The following GALNTL6 variants were observed in gnomAD, a reference collection of about 807,000 sequenced individuals.
GALNTL6 encodes polypeptide N-acetylgalactosaminyltransferase like 6, also known as polypeptide N-acetylgalactosaminyltransferase-like 6.
In GALNTL6, 46 loss-of-function variants were observed where a neutral mutation model predicts 73.7. The ratio of observed to expected loss-of-function variants is 0.62; its 90% CI spans 0.49 to 0.80. The LOEUF (loss-of-function observed/expected upper bound fraction) is 0.80, where lower values mean the gene tolerates loss of function less well. Ranked by LOEUF, GALNTL6 falls within the 30% of genes least tolerant of loss-of-function variation. GALNTL6 has a pLI of 0.00. For synonymous variants in GALNTL6, 259 were observed against 263.7 expected (o/e 0.98, Z 0.17); for missense variants, 604 against 755.0 (o/e 0.80, Z 2.34).
intron 5 of GALNTL6, among the ~76,000 whole-genome samples, chr4:172,551,361 T>C (rs568291996): frequency 6.6e-6 from 1 of 152,170 alleles, no homozygotes; most frequent in Non-Finnish European, 1.5e-5. Flanking sequence ...GTAAAAATTT[T>C]GATATAATTT....
At chr4:172,806,103 T>A (rs1740942240) in intron 5 of GALNTL6, among the ~76,000 whole-genome samples, 1 of 152,202 alleles carries the variant, frequency 6.6e-6, no homozygotes, top group Non-Finnish European at 1.5e-5. Context: ...TTGAATTTGC[T>A]AATTAGACTG....
At chr4:172,080,101 T>C (rs1021486282) in intron 2 of GALNTL6, among the ~76,000 whole-genome samples, 1 of 152,204 alleles carries the variant, frequency 6.6e-6, no homozygotes, top group Admixed American at 6.5e-5. Flanking sequence ...TCACCAACAG[T>C]GCTAACATAA....
rs542663956 is a variant in GALNTL6 at position 172,962,994 on chromosome 4, G to T, written c.1371+10736G>T. ...CACTCCTCCATTCAAGCTTTCACTG[G>T]CTGCCATCTATTTCTAGGTAAAAAT... On this transcript the variant is annotated intron_variant, in intron 10 of 12. Transcript: ENST00000506823. 1.4e-3 allele frequency among the ~76,000 whole-genome samples: 216 copies of T among 152,080 alleles called. 2 individuals are homozygous for T. The highest frequency in any genetic ancestry group is 1.3e-4 in the Non-Finnish European group (9 of 68,002).
chr4:172,747,276 G>A (rs1033471387), intron 5 of GALNTL6, among the ~76,000 whole-genome samples: 7 of 151,944 alleles, frequency 4.6e-5, no homozygotes, highest in African/African-American at 1.7e-4. Context: ...TGGATAAGGG[G>A]TTATTATTCA....
At chr4:172,670,414 T>A (rs924504657) in intron 5 of GALNTL6, among the ~76,000 whole-genome samples, 1 of 152,190 alleles carries the variant, frequency 6.6e-6, no homozygotes, top group Non-Finnish European at 1.5e-5. Context: ...AATATTGAAT[T>A]TTTTTCATAT....
intron 2 of GALNTL6, among the ~76,000 whole-genome samples, chr4:171,961,673 T>A (rs549624385): frequency 2.0e-5 from 3 of 152,294 alleles, no homozygotes; most frequent in Non-Finnish European, 2.9e-5. Flanking sequence ...TCATCAGTTG[T>A]TTTTGAGTTT....
At chr4:172,132,697 G>T (rs527296362) in intron 2 of GALNTL6, among the ~76,000 whole-genome samples, 1 of 151,968 alleles carries the variant, frequency 6.6e-6, no homozygotes, top group South Asian at 2.1e-4. Flanking sequence ...ATATTCTTTA[G>T]ATGAATCATA....
At chr4:172,547,296 G>T (rs1735808814) in intron 5 of GALNTL6, among the ~76,000 whole-genome samples, 1 of 151,998 alleles carries the variant, frequency 6.6e-6, no homozygotes, top group African/African-American at 2.4e-5. Flanking sequence ...GATAGAATTG[G>T]TTTCAGACCT....
rs1744466359 is a variant in GALNTL6, at chr4:172,862,821, T to C, written c.924-19969T>C. Among the ~76,000 whole-genome samples, 3 of 152,182 alleles carry C rather than the reference T, an allele frequency of 2.0e-5. No homozygotes were observed. In the South Asian group the frequency reaches 6.2e-4, roughly 32 times the overall value. On this transcript the variant is annotated intron_variant, in intron 7 of 12. Transcript: ENST00000506823. ...TCAACAAGACAACGTGGAAAATGTCTCCAGGGCATGTCAGAGAACTTCACA... is the reference window on the plus strand; with the variant it reads ...TCAACAAGACAACGTGGAAAATGTCCCCAGGGCATGTCAGAGAACTTCACA...
chr4:171,973,893 G>A (rs1028075354), intron 2 of GALNTL6, among the ~76,000 whole-genome samples: 5 of 152,092 alleles, frequency 3.3e-5, no homozygotes, highest in Non-Finnish European at 7.4e-5. Context: ...GAAGCCAAGG[G>A]TCTTATCCTG....
At chr4:172,335,969 T>G (rs962095576) in intron 4 of GALNTL6, among the ~76,000 whole-genome samples, 5 of 152,140 alleles carry the variant, frequency 3.3e-5, no homozygotes, top group African/African-American at 1.2e-4. Context: ...TAGTTATTTA[T>G]TTTCTTCCAC....
At chr4:173,030,719 C>T (rs867476061) in intron 12 of GALNTL6, among the ~76,000 whole-genome samples, 15 of 151,630 alleles carry the variant, frequency 9.9e-5, no homozygotes, top group African/African-American at 3.4e-4. Context: ...CTCTGAGTTA[C>T]GTTTCATCCC....
intron 2 of GALNTL6, among the ~76,000 whole-genome samples, chr4:172,194,398 G>A (rs1358163924): frequency 2.6e-5 from 4 of 152,116 alleles, no homozygotes; most frequent in African/African-American, 9.7e-5. Flanking sequence ...CCATCCAGGC[G>A]AATTCCCTCA....
At chr4:173,002,322 G>A (rs1485661047) in intron 10 of GALNTL6, among the ~76,000 whole-genome samples, 1 of 151,854 alleles carries the variant, frequency 6.6e-6, no homozygotes, top group Non-Finnish European at 1.5e-5. Context: ...CCCAGGAGGT[G>A]GAGAGTACAG....
At chr4:172,572,185 C>T (rs181839942) in intron 5 of GALNTL6, among the ~76,000 whole-genome samples, 48 of 152,238 alleles carry the variant, frequency 3.2e-4, no homozygotes, top group African/African-American at 1.1e-3. Flanking sequence ...ATCTATGATG[C>T]GGACTGCAGT....
chr4:171,855,710 G>A (rs1187197852), intron 2 of GALNTL6, among the ~76,000 whole-genome samples: 2 of 152,160 alleles, frequency 1.3e-5, no homozygotes, highest in Non-Finnish European at 2.9e-5. Context: ...AAATGGCTGT[G>A]GCTTTTTGCC....
At chr4:172,953,464 T>G (rs1749559842) in intron 10 of GALNTL6, among the ~76,000 whole-genome samples, 1 of 152,172 alleles carries the variant, frequency 6.6e-6, no homozygotes, top group Non-Finnish European at 1.5e-5. Flanking sequence ...ATCATCAGTG[T>G]CCTTGGTTTT....
intron 5 of GALNTL6, chr4:172,545,804 T>G (rs1579174434): frequency 6.6e-6 from 1 of 152,172 alleles, no homozygotes; most frequent in Non-Finnish European, 1.5e-5. Context: ...TAATAAAAGC[T>G]TTTTCCCTAA....
intron 5 of GALNTL6, among the ~76,000 whole-genome samples, chr4:172,522,295 T>A (rs1030383143): frequency 3.9e-5 from 6 of 152,334 alleles, no homozygotes; most frequent in South Asian, 2.1e-4. Flanking sequence ...TTTATCAGGA[T>A]ACTTTTATAT....
Sources: allele counts gnomAD v4.1 joint callset (sites outside exome capture counted in the v4.1 genomes callset), GRCh38; gene constraint gnomAD v4.1.1; transcripts MANE v1.5; gene names NCBI Gene and HGNC (gene_info 2026-07-23, HGNC 2026-07-21).